Variants in MYPN observed in about 807,000 individuals in gnomAD.
The protein encoded by MYPN is myopalladin, also known as sarcomeric protein myopalladin, 145 kDa (MYOP).
A neutral mutation model predicts 129.4 loss-of-function variants in MYPN; 63 were observed. The observed-to-expected ratio is 0.49, with a 90% confidence interval of 0.40 to 0.60. The LOEUF is 0.60. MYPN is among the 20% of genes least tolerant of loss of function. The probability of loss-of-function intolerance (pLI) is 0.00; values close to 1 mark genes in which losing one functional copy is unlikely to be tolerated. For synonymous variants in MYPN, 629 were observed against 600.9 expected (o/e 1.05, Z -0.68); for missense variants, 1,596 against 1,635.4 (o/e 0.98, Z 0.42).
At chr10:68,192,713 A>AG (rs11418679) in intron 13 of MYPN, among the ~76,000 whole-genome samples, 152,269 of 152,272 alleles carry the variant, frequency 1, 76,133 homozygotes, top group Middle Eastern at 1. Context: ...CTGGTCTGCT[A>AG]GTTTTCTATT....
chr10:68,190,746 A>C (rs944588067), intron 13 of MYPN, among the ~76,000 whole-genome samples: 30 of 152,052 alleles, frequency 2.0e-4, no homozygotes, highest in East Asian at 1.3e-3. Context: ...GTCTTACCCA[A>C]AAAAAAATTT....
intron 1 of MYPN, among the ~76,000 whole-genome samples, chr10:68,091,621 C>T (rs971918569): frequency 3.3e-5 from 5 of 151,782 alleles, no homozygotes; most frequent in East Asian, 1.9e-4. Context: ...TCTTGAACTC[C>T]GGGGCTCAAG....
Position 68,194,104 on chromosome 10 carries a change from G to A in MYPN, c.2926-259G>A, listed in dbSNP as rs546060536. Among the ~76,000 whole-genome samples the A allele has an allele frequency of 4.4e-3, 665 of 152,136 alleles. 3 individuals carry two copies. The highest frequency in any genetic ancestry group is 7.4e-3 in the Non-Finnish European group (502 of 67,988). On this transcript the variant is annotated intron_variant, in intron 13 of 19. Coordinates refer to ENST00000358913, the MANE Select transcript of MYPN (RefSeq NM_032578.4). Reference sequence around the variant, plus strand: ...TGAAGTACAAGAAAAATAGTCAAAAGCTTCATCTTAGTCCTAAATTATATT... The same window carrying A: ...TGAAGTACAAGAAAAATAGTCAAAAACTTCATCTTAGTCCTAAATTATATT...
intron 1 of MYPN, among the ~76,000 whole-genome samples, chr10:68,118,587 T>G (rs577010227): frequency 2.6e-5 from 4 of 152,108 alleles, no homozygotes; most frequent in Non-Finnish European, 5.9e-5. Flanking sequence ...ATCCCAGAGC[T>G]TTGGGAGATG....
chr10:68,154,381 C>T (rs2042831817), intron 6 of MYPN, among the ~76,000 whole-genome samples: 1 of 152,182 alleles, frequency 6.6e-6, no homozygotes, highest in Non-Finnish European at 1.5e-5. Context: ...TGCAAGGGGG[C>T]AGGGGAAGCG....
At chr10:68,142,836 T>A in intron 2 of MYPN, 104 bp from the exon 3 acceptor site, 1 of 1,102,662 alleles carries the variant, frequency 9.1e-7, no homozygotes, top group Non-Finnish European at 1.4e-6. Flanking sequence ...TTGTTGTTGT[T>A]GTTCTGACTT....
chr10:68,121,342 C>A, intron 1 of MYPN, 96 bp from the exon 2 acceptor site: 1 of 1,043,982 alleles, frequency 9.6e-7, no homozygotes, highest in Non-Finnish European at 1.4e-6. Flanking sequence ...TTATTTTGAG[C>A]TTTAATTTCT....
chr10:68,112,336 G>A (rs948305584), intron 1 of MYPN, among the ~76,000 whole-genome samples: 2 of 152,066 alleles, frequency 1.3e-5, no homozygotes, highest in Non-Finnish European at 2.9e-5. Context: ...TTCCCTACAT[G>A]TTTGTCATCC....
intron 16 of MYPN, among the ~76,000 whole-genome samples, chr10:68,198,331 A>G (rs1286586009): frequency 1.3e-5 from 2 of 152,226 alleles, no homozygotes; most frequent in Non-Finnish European, 1.5e-5. Context: ...GGTTTCTCAT[A>G]CTAATCAACC....
chr10:68,119,604 G>A (rs2042211203), intron 1 of MYPN, among the ~76,000 whole-genome samples: 1 of 152,030 alleles, frequency 6.6e-6, no homozygotes, highest in Non-Finnish European at 1.5e-5. Context: ...TAGAGACAGG[G>A]TTTCACCATG....
At chr10:68,150,581 T>C (rs2042752857) in intron 6 of MYPN, among the ~76,000 whole-genome samples, 1 of 152,210 alleles carries the variant, frequency 6.6e-6, no homozygotes, top group Non-Finnish European at 1.5e-5. Context: ...TGAGGTGGCA[T>C]CAAATTCTGA....
chr10:68,134,971 G>T (rs1205218299), intron 2 of MYPN, among the ~76,000 whole-genome samples: 2 of 151,022 alleles, frequency 1.3e-5, no homozygotes, highest in East Asian at 1.9e-4. Flanking sequence ...TATTTTTTTT[G>T]AAACAGGTCT....
At chr10:68,136,369 G>T in intron 2 of MYPN, 2 of 856,394 alleles carry the variant, frequency 2.3e-6, no homozygotes, top group Non-Finnish European at 2.9e-6. Flanking sequence ...CATTCTGTAA[G>T]TGTCATGAGG....
chr10:68,145,675 AAATT>A (rs1254385002), intron 4 of MYPN, 149 bp downstream of exon 4: 3 of 703,798 alleles, frequency 4.3e-6, no homozygotes, highest in Non-Finnish European at 4.9e-6. Context: ...ACAAACAAAC[AAATT>A]GAGTGGATTT....
rs746515150 is a variant in MYPN, at chr10:68,142,465, A to T, written c.903-475A>T. Among the ~76,000 whole-genome samples the T allele has an allele frequency of 5.6e-4, 85 of 152,316 alleles. 1 individual carries two copies. Among genetic ancestry groups the T allele is most frequent in the African/African-American group, 2.0e-3 (82 of 41,568 alleles). ...AATATGACCCCTCCTCCTTACTCTG[A>T]TGGCTCAAGTAACAGAACAAATTAA... is the stretch of plus-strand genomic sequence containing the variant. On this transcript the variant is annotated intron_variant, in intron 2 of 19. Transcript: ENST00000358913.
chr10:68,113,424 G>A (rs10997934), intron 1 of MYPN, among the ~76,000 whole-genome samples: 65,540 of 152,002 alleles, frequency 0.43, 17,692 homozygotes, highest in African/African-American at 0.75. Context: ...AGCTAGGTGC[G>A]GTGGCTCATG....
intron 12 of MYPN, among the ~76,000 whole-genome samples, chr10:68,178,904 C>T (rs900545388): frequency 6.6e-6 from 1 of 151,928 alleles, no homozygotes; most frequent in Non-Finnish European, 1.5e-5. Context: ...CTTATTCCAA[C>T]TTTCCTCCTT....
chr10:68,142,005 G>A (rs898818135), intron 2 of MYPN, among the ~76,000 whole-genome samples: 2 of 152,188 alleles, frequency 1.3e-5, no homozygotes, highest in Admixed American at 6.5e-5. Flanking sequence ...ACAATGTTTT[G>A]CTGCTTGAAT....
chr10:68,199,766 G>A (rs1030466981), intron 17 of MYPN, among the ~76,000 whole-genome samples, 191 bp downstream of exon 17: 3 of 152,044 alleles, frequency 2.0e-5, no homozygotes, highest in African/African-American at 7.3e-5. Context: ...ATCATAATAT[G>A]ACACCATGTG....
Sources: allele counts gnomAD v4.1 joint callset (sites outside exome capture counted in the v4.1 genomes callset), GRCh38; gene constraint gnomAD v4.1.1; transcripts MANE v1.5; gene names NCBI Gene and HGNC (gene_info 2026-07-23, HGNC 2026-07-21).